Variants in DPYD observed in about 807,000 individuals in gnomAD.
DPYD encodes the protein dihydropyrimidine dehydrogenase [NADP(+)].
In DPYD, 109 loss-of-function variants were observed where a neutral mutation model predicts 116.2. That is an observed-to-expected ratio of 0.94 (90% CI 0.80 to 1.10). The LOEUF (loss-of-function observed/expected upper bound fraction) is 1.10. DPYD is among the 50% of genes least tolerant of loss of function. The pLI, the probability that DPYD is intolerant of heterozygous loss-of-function variation, is 0.00. For synonymous variants in DPYD, 440 were observed against 432.0 expected (o/e 1.02, Z -0.23); for missense variants, 1,302 against 1,254.5 (o/e 1.04, Z -0.57).
At chr1:97,516,891 G>A (rs1648272014) in intron 12 of DPYD, among the ~76,000 whole-genome samples, 1 of 152,020 alleles carries the variant, frequency 6.6e-6, no homozygotes, top group African/African-American at 2.4e-5. Flanking sequence ...TAAAAAGGAT[G>A]AATTTTCTCA....
At chr1:97,523,097 C>T (rs1225937588) in intron 12 of DPYD, among the ~76,000 whole-genome samples, 1 of 152,168 alleles carries the variant, frequency 6.6e-6, no homozygotes, top group African/African-American at 2.4e-5. Flanking sequence ...ACCATGACCT[C>T]TTTGATTGTT....
At chr1:97,162,551 C>T (rs1376951432) in intron 20 of DPYD, among the ~76,000 whole-genome samples, 1 of 152,106 alleles carries the variant, frequency 6.6e-6, no homozygotes, top group Non-Finnish European at 1.5e-5. Flanking sequence ...AATGGCCATA[C>T]TGCCCAAGGT....
intron 13 of DPYD, among the ~76,000 whole-genome samples, chr1:97,462,510 T>C (rs971937959): frequency 1.3e-5 from 2 of 152,080 alleles, no homozygotes; most frequent in Admixed American, 1.3e-4. Context: ...GTTCAGACCA[T>C]GATGGGAAGG....
At chr1:97,686,187 C>T (rs1660716603) in intron 7 of DPYD, among the ~76,000 whole-genome samples, 1 of 152,100 alleles carries the variant, frequency 6.6e-6, no homozygotes, top group South Asian at 2.1e-4. Context: ...ACAATACAAC[C>T]ATCTGGTCTT....
At chr1:97,116,773 A>G (rs915849369) in intron 20 of DPYD, among the ~76,000 whole-genome samples, 4 of 152,148 alleles carry the variant, frequency 2.6e-5, no homozygotes, top group Admixed American at 1.3e-4. Context: ...CACAGGATTA[A>G]TTTTTGTACA....
At chr1:97,361,198 A>G (rs1458203505) in intron 16 of DPYD, among the ~76,000 whole-genome samples, 1 of 152,218 alleles carries the variant, frequency 6.6e-6, no homozygotes, top group Non-Finnish European at 1.5e-5. Flanking sequence ...AAACTAGAAA[A>G]TCTAGAAGAA....
At chr1:97,735,684 T>TCATA (rs1307067576) in intron 4 of DPYD, among the ~76,000 whole-genome samples, 1 of 117,682 alleles carries the variant, frequency 8.5e-6, no homozygotes, top group Non-Finnish European at 1.7e-5. Context: ...CAAGACTCTG[T>TCATA]CATAAATAAA....
chr1:97,624,133 G>A (rs1242954559), intron 8 of DPYD, among the ~76,000 whole-genome samples: 1 of 151,944 alleles, frequency 6.6e-6, no homozygotes, highest in Non-Finnish European at 1.5e-5. Context: ...AATGGGATTT[G>A]ATCAAACTAA....
chr1:97,136,222 T>A (rs925607834), intron 20 of DPYD, among the ~76,000 whole-genome samples: 1 of 152,196 alleles, frequency 6.6e-6, no homozygotes, highest in African/African-American at 2.4e-5. Context: ...GAGTCTCCAT[T>A]CATAAAACTC....
At chr1:97,425,943 G>A (rs1409953842) in intron 14 of DPYD, among the ~76,000 whole-genome samples, 1 of 147,602 alleles carries the variant, frequency 6.8e-6, no homozygotes, top group Non-Finnish European at 1.5e-5. Flanking sequence ...AGAAAGTAAA[G>A]CAAACATTAA....
At chr1:97,483,732 C>T (rs1218826261) in intron 13 of DPYD, among the ~76,000 whole-genome samples, 1 of 152,036 alleles carries the variant, frequency 6.6e-6, no homozygotes, top group Non-Finnish European at 1.5e-5. Context: ...GATTAAGGCT[C>T]TTATAAAAAA....
At chr1:97,404,740 T>C (rs1353997069) in intron 14 of DPYD, among the ~76,000 whole-genome samples, 7 of 152,062 alleles carry the variant, frequency 4.6e-5, no homozygotes, top group Admixed American at 4.6e-4. Context: ...ACTTAAACAA[T>C]CTTTGTCTTT....
At chr1:97,231,263 A>T (rs1344778930) in intron 19 of DPYD, among the ~76,000 whole-genome samples, 1 of 152,200 alleles carries the variant, frequency 6.6e-6, no homozygotes, top group East Asian at 1.9e-4. Context: ...GATGGAAGAC[A>T]GGCAATATGC....
At chr1:97,437,176 C>T (rs887933771) in intron 14 of DPYD, among the ~76,000 whole-genome samples, 5 of 151,638 alleles carry the variant, frequency 3.3e-5, no homozygotes, top group Non-Finnish European at 5.9e-5. Context: ...CTTTATAACT[C>T]CTCTCTCCCA....
chr1:97,167,474 T>A (rs1656411810), intron 20 of DPYD, among the ~76,000 whole-genome samples: 1 of 152,106 alleles, frequency 6.6e-6, no homozygotes, highest in Non-Finnish European at 1.5e-5. Context: ...ATAACTGAGA[T>A]CAAATTATAT....
chr1:97,752,290 TCACACACACACA>T (rs146577982), intron 3 of DPYD, among the ~76,000 whole-genome samples: 2 of 145,862 alleles, frequency 1.4e-5, no homozygotes, highest in South Asian at 2.2e-4. Context: ...TAAACCTACT[TCACACACACACA>T]CACACACACA....
rs903875506 is a variant in DPYD, at chr1:97,193,105, C to T, written c.2586G>A (p.Gly862=). The T allele has an allele frequency of 1.1e-5, 18 of 1,614,014 alleles. No homozygotes were observed. Among genetic ancestry groups the T allele is most frequent in the Admixed American group, 1.7e-5 (1 of 59,994 alleles). ...GTTCAGCTATACGTGGAACTGGTTT[C>T]CCTTTCTGGTGACTCACAGTAGCTG... is the stretch of plus-strand genomic sequence containing the variant. The part of the protein sequence containing the change: ...QSPATVSHQK[G]KPVPRIAELM... Residue 862 remains glycine, a synonymous_variant, in exon 20 of 23, where the codon GGG becomes GGA. Transcript: ENST00000370192.
Position 97,740,384 on chromosome 1 carries a change from G to T in DPYD, c.321+8C>A. On this transcript the variant is annotated splice_region_variant and intron_variant, in intron 4 of 22. Transcript: ENST00000370192. ...TATTTTCATTTGCAGAGTTAAATCTGAATTTACCTTGTTTGCAATACTTGT... is the reference window on the plus strand; with the variant it reads ...TATTTTCATTTGCAGAGTTAAATCTTAATTTACCTTGTTTGCAATACTTGT... The T allele has an allele frequency of 6.2e-7, 1 of 1,604,158 alleles. No individual in the cohort carries two copies. Among genetic ancestry groups the T allele is most frequent in the South Asian group, 1.1e-5 (1 of 90,830 alleles).
At chr1:97,682,191 A>G (rs1230080061) in intron 7 of DPYD, among the ~76,000 whole-genome samples, 1 of 152,030 alleles carries the variant, frequency 6.6e-6, no homozygotes, top group Non-Finnish European at 1.5e-5. Context: ...GCAAATGGGG[A>G]TAGAAAACAG....
Sources: gnomAD v4.1 joint callset for allele counts (sites outside exome capture counted in the v4.1 genomes callset) on GRCh38, gnomAD v4.1.1 for gene constraint, MANE v1.5 for transcripts, NCBI Gene and HGNC (gene_info 2026-07-23, HGNC 2026-07-21) for gene names.